SIL1: variants seen among roughly 807,000 people sequenced by gnomAD.
The protein encoded by SIL1 is SIL1 nucleotide exchange factor, also known as nucleotide exchange factor SIL1.
A neutral mutation model predicts 49.1 loss-of-function variants in SIL1; 40 were observed. That is an observed-to-expected ratio of 0.81 (90% confidence interval 0.63 to 1.06). SIL1 has a LOEUF of 1.06. SIL1 is among the 50% of genes least tolerant of loss of function. SIL1 has a pLI of 0.00. For synonymous variants in SIL1, 253 were observed against 250.8 expected (o/e 1.01, Z -0.08); for missense variants, 500 against 572.6 (o/e 0.87, Z 1.29).
At chr5:139,125,282 C>G (rs1314688724) in intron 2 of SIL1, among the ~76,000 whole-genome samples, 2 of 152,198 alleles carry the variant, frequency 1.3e-5, no homozygotes, top group African/African-American at 4.8e-5. Flanking sequence ...CTCCCTATCA[C>G]CATCATTCCA....
chr5:139,115,927 TA>T (rs1770978102), intron 3 of SIL1, among the ~76,000 whole-genome samples: 1 of 152,328 alleles, frequency 6.6e-6, no homozygotes, highest in East Asian at 1.9e-4. Context: ...CTTAGCCCTT[TA>T]ACTTGAGGGA....
intron 4 of SIL1, among the ~76,000 whole-genome samples, chr5:139,046,554 G>A (rs934440555): frequency 6.6e-6 from 1 of 152,094 alleles, no homozygotes; most frequent in Non-Finnish European, 1.5e-5. Flanking sequence ...ACTTCCTGTT[G>A]TTCCATCTGT....
chr5:139,017,930 G>C (rs537388257), intron 7 of SIL1, among the ~76,000 whole-genome samples: 4 of 152,256 alleles, frequency 2.6e-5, no homozygotes, highest in Non-Finnish European at 4.4e-5. Context: ...TGAAGAAGGA[G>C]AAAGCAGGTT....
chr5:139,188,279 A>T (rs1752111399), intron 1 of SIL1, among the ~76,000 whole-genome samples: 1 of 152,238 alleles, frequency 6.6e-6, no homozygotes, highest in South Asian at 2.1e-4. Flanking sequence ...TCTGGAGCAC[A>T]GTCACAGGAA....
At chr5:139,132,827 G>A (rs1750892200) in intron 1 of SIL1, among the ~76,000 whole-genome samples, 1 of 152,158 alleles carries the variant, frequency 6.6e-6, no homozygotes, top group Non-Finnish European at 1.5e-5. Context: ...AGGGAAAGGG[G>A]GAAAGGGAAG....
At chr5:138,984,305 T>C (rs1016079411) in intron 7 of SIL1, among the ~76,000 whole-genome samples, 3 of 150,788 alleles carry the variant, frequency 2.0e-5, no homozygotes, top group African/African-American at 7.3e-5. Flanking sequence ...ACTGATACTA[T>C]CCCACCAACC....
intron 3 of SIL1, among the ~76,000 whole-genome samples, chr5:139,097,014 G>A (rs771388866): frequency 6.6e-6 from 1 of 152,036 alleles, no homozygotes; most frequent in Admixed American, 6.5e-5. Flanking sequence ...TGACTTAAGA[G>A]CCCTTGGGCC....
chr5:139,004,373 T>A (rs1216124075), intron 7 of SIL1, among the ~76,000 whole-genome samples: 1 of 152,202 alleles, frequency 6.6e-6, no homozygotes, highest in East Asian at 1.9e-4. Flanking sequence ...TCACTGTGCA[T>A]GGGATTCAGT....
At chr5:138,956,916 A>G (rs576836968) in intron 7 of SIL1, among the ~76,000 whole-genome samples, 1 of 152,216 alleles carries the variant, frequency 6.6e-6, no homozygotes, top group South Asian at 2.1e-4. Flanking sequence ...TTGTGTTGGG[A>G]CCTGTATGGC....
intron 5 of SIL1, among the ~76,000 whole-genome samples, chr5:139,032,256 T>G (rs1031796505): frequency 6.6e-6 from 1 of 152,212 alleles, no homozygotes; most frequent in Admixed American, 6.5e-5. Flanking sequence ...ATTCCTAGAT[T>G]TCTGAGTTAT....
chr5:138,995,052 A>C (rs1767834751), intron 7 of SIL1, among the ~76,000 whole-genome samples: 2 of 152,084 alleles, frequency 1.3e-5, no homozygotes, highest in African/African-American at 4.8e-5. Context: ...GTTCCTTTTT[A>C]CAGCTGCATA....
intron 3 of SIL1, among the ~76,000 whole-genome samples, chr5:139,092,926 T>C (rs780165829): frequency 6.6e-6 from 1 of 152,182 alleles, no homozygotes; most frequent in Admixed American, 6.5e-5. Context: ...CATGAGGGCT[T>C]TGCCCTCATG....
intron 3 of SIL1, among the ~76,000 whole-genome samples, chr5:139,120,793 C>T (rs1262961802): frequency 5.3e-5 from 8 of 152,194 alleles, no homozygotes; most frequent in African/African-American, 1.4e-4. Flanking sequence ...ATCACTTGCT[C>T]AGAAACCACG....
In SIL1 at chr5:138,947,895, C is replaced by T. The variant is rs936033990; in HGVS notation, c.1030-422G>A. Among the ~76,000 whole-genome samples, 3 of 152,122 alleles carry T rather than the reference C, an allele frequency of 2.0e-5. No homozygotes were observed. The highest frequency in any genetic ancestry group is 7.2e-5 in the African/African-American group (3 of 41,398). ...CCCTGAGACTCATCGTCATCACCTC[C>T]TAAGTGGAGAAACTCAGCCTGTCTG... On this transcript the variant is annotated intron_variant, in intron 9 of 9. Transcript: ENST00000394817. The surrounding 1 kb of genome is among the most constrained non-coding windows in gnomAD (Gnocchi z 4.1).
At chr5:139,075,940 C>T (rs1769939771) in intron 3 of SIL1, among the ~76,000 whole-genome samples, 2 of 152,188 alleles carry the variant, frequency 1.3e-5, no homozygotes, top group Non-Finnish European at 2.9e-5. Flanking sequence ...AGTTGTGATT[C>T]ATTCCCAATA....
At chr5:138,970,536 G>C (rs1004857260) in intron 7 of SIL1, among the ~76,000 whole-genome samples, 3 of 152,122 alleles carry the variant, frequency 2.0e-5, no homozygotes, top group African/African-American at 7.2e-5. Flanking sequence ...ATTATGAAGA[G>C]GCATGACAAA....
At chr5:139,088,954 A>G (rs549479895) in intron 3 of SIL1, among the ~76,000 whole-genome samples, 1 of 152,274 alleles carries the variant, frequency 6.6e-6, no homozygotes, top group African/African-American at 2.4e-5. Flanking sequence ...GATCTCTAAT[A>G]AACATACTGC....
chr5:139,084,308 C>T (rs1453872256), intron 3 of SIL1, among the ~76,000 whole-genome samples: 2 of 143,564 alleles, frequency 1.4e-5, no homozygotes, highest in Non-Finnish European at 3.0e-5. Flanking sequence ...GGCTATAAAT[C>T]ATGCTGCTAT....
At chr5:138,957,895 C>A (rs534686051) in intron 7 of SIL1, among the ~76,000 whole-genome samples, 3 of 151,972 alleles carry the variant, frequency 2.0e-5, no homozygotes, top group East Asian at 1.9e-4. Flanking sequence ...CCTTACCCCC[C>A]ACTCTTTCCT....
Sources: allele counts gnomAD v4.1 joint callset (sites outside exome capture counted in the v4.1 genomes callset), GRCh38; gene constraint gnomAD v4.1.1; non-coding constraint Gnocchi (gnomAD v3.1); transcripts MANE v1.5; gene names NCBI Gene and HGNC (gene_info 2026-07-23, HGNC 2026-07-21).